SLC44A1: variants seen among roughly 807,000 people sequenced by gnomAD.
The protein encoded by SLC44A1 is choline transporter-like protein 1.
SLC44A1 carries 26 observed loss-of-function variants against 79.3 expected under a neutral mutation model. The observed-to-expected ratio is 0.33, with a 90% CI of 0.24 to 0.46. SLC44A1 has a LOEUF of 0.46. Ranked by LOEUF, SLC44A1 falls within the 20% of genes least tolerant of loss-of-function variation. The probability of loss-of-function intolerance (pLI) is 1.00; values close to 1 mark genes in which losing one functional copy is unlikely to be tolerated. For missense variants in SLC44A1, 688 were observed against 798.1 expected (o/e 0.86, Z 1.66); for synonymous variants, 263 against 286.2 (o/e 0.92, Z 0.82).
intron 1 of SLC44A1, among the ~76,000 whole-genome samples, chr9:105,283,516 C>T (rs1009558549): frequency 3.9e-5 from 6 of 152,118 alleles, no homozygotes; most frequent in Admixed American, 6.5e-5. Context: ...CTTCTCTTAA[C>T]GTAGAATTCA....
At chr9:105,420,862 A>AG (rs1491270009) in intron 15 of SLC44A1, among the ~76,000 whole-genome samples, 89 of 117,828 alleles carry the variant, frequency 7.6e-4, no homozygotes, top group African/African-American at 3.1e-3. Context: ...ACTCCATCTC[A>AG]AAAAAAAAAA....
rs529488379 is a variant in SLC44A1, at chr9:105,378,220, G to A, written c.1632+3485G>A. Among the ~76,000 whole-genome samples the A allele has an allele frequency of 1.1e-3, 162 of 152,332 alleles. 1 individual carries two copies. The South Asian group carries it at 0.025, about 23-fold the overall frequency. On this transcript the variant is annotated intron_variant, in intron 13 of 15. Coordinates refer to ENST00000374720, the MANE Select transcript of SLC44A1 (RefSeq NM_080546.5). ...GCTGAGATAGCGCCACTGCACTGCA[G>A]CCCGGACGACAAAGCGGGACTCTGT... is the stretch of plus-strand genomic sequence containing the variant.
At chr9:105,376,462 G>A (rs1246590696) in intron 13 of SLC44A1, among the ~76,000 whole-genome samples, 2 of 150,656 alleles carry the variant, frequency 1.3e-5, no homozygotes, top group Admixed American at 6.6e-5. Context: ...CAACCTCCGC[G>A]TCCTGGGTTT....
intron 15 of SLC44A1, among the ~76,000 whole-genome samples, chr9:105,431,773 A>C (rs1339891475): frequency 6.6e-6 from 1 of 152,184 alleles, no homozygotes; most frequent in African/African-American, 2.4e-5. Flanking sequence ...AGCACCCTCA[A>C]AATCACCTGA....
chr9:105,312,154 G>A (rs567650826), intron 3 of SLC44A1, among the ~76,000 whole-genome samples: 10 of 152,218 alleles, frequency 6.6e-5, no homozygotes, highest in African/African-American at 2.4e-4. Context: ...CAACAAATCA[G>A]TCCTCTAAAA....
chr9:105,383,036 A>T (rs912256398), intron 13 of SLC44A1, 87 bp from the exon 14 acceptor site: 1 of 856,970 alleles, frequency 1.2e-6, no homozygotes, highest in Non-Finnish European at 1.9e-6. Flanking sequence ...ATTTATAAAT[A>T]GTAGAATTTT....
chr9:105,300,686 A>G (rs1830853421), intron 2 of SLC44A1, among the ~76,000 whole-genome samples: 1 of 152,224 alleles, frequency 6.6e-6, no homozygotes. Context: ...TTAATGACTT[A>G]AAAGATATTG....
intron 1 of SLC44A1, among the ~76,000 whole-genome samples, chr9:105,282,088 A>G (rs1830366404): frequency 6.6e-6 from 1 of 152,242 alleles, no homozygotes; most frequent in Non-Finnish European, 1.5e-5. Flanking sequence ...GTAATTGTAT[A>G]CAAACCAGTG....
intron 3 of SLC44A1, among the ~76,000 whole-genome samples, chr9:105,315,211 A>G (rs34030286): frequency 0.015 from 2,237 of 150,698 alleles, 18 homozygotes; most frequent in Admixed American, 0.018. Flanking sequence ...AATTTTGTCT[A>G]TTTCTTTCTC....
intron 15 of SLC44A1, among the ~76,000 whole-genome samples, chr9:105,419,801 C>A (rs1829220551): frequency 6.6e-6 from 1 of 150,868 alleles, no homozygotes; most frequent in Admixed American, 6.6e-5. Flanking sequence ...TGTAATCCAG[C>A]TACTCTGGAG....
At chr9:105,333,539 G>A (rs1826818079) in intron 3 of SLC44A1, among the ~76,000 whole-genome samples, 1 of 152,190 alleles carries the variant, frequency 6.6e-6, no homozygotes, top group Non-Finnish European at 1.5e-5. Flanking sequence ...AGGCACAGTG[G>A]CTTATCATAC....
intron 12 of SLC44A1, among the ~76,000 whole-genome samples, chr9:105,370,850 A>C (rs1042298635): frequency 2.0e-5 from 3 of 152,188 alleles, no homozygotes; most frequent in African/African-American, 7.2e-5. Flanking sequence ...GCTAGTACCT[A>C]GTTGATTTAA....
At chr9:105,245,833 GACAACTGT>G (rs1829429762) in intron 1 of SLC44A1, among the ~76,000 whole-genome samples, 1 of 152,172 alleles carries the variant, frequency 6.6e-6, no homozygotes, top group Non-Finnish European at 1.5e-5. Context: ...GAAATGTTTA[GACAACTGT>G]ACGAGGATCA....
intron 1 of SLC44A1, among the ~76,000 whole-genome samples, chr9:105,286,784 C>T (rs1334693965): frequency 3.3e-5 from 5 of 152,036 alleles, no homozygotes; most frequent in South Asian, 2.1e-4. Context: ...GCAACATAAA[C>T]GAGACCCCAT....
At chr9:105,336,951 C>T (rs961195074) in intron 4 of SLC44A1, among the ~76,000 whole-genome samples, 1 of 152,180 alleles carries the variant, frequency 6.6e-6, no homozygotes, top group African/African-American at 2.4e-5. Context: ...AAAAATAATA[C>T]TCCCTCATAA....
At chr9:105,338,629 G>A (rs768208533) in intron 4 of SLC44A1, among the ~76,000 whole-genome samples, 8 of 152,152 alleles carry the variant, frequency 5.3e-5, no homozygotes, top group Non-Finnish European at 1.0e-4. Flanking sequence ...GTCTAGGCTG[G>A]TGTCAAACTC....
At chr9:105,373,706 A>G (rs1828186507) in intron 12 of SLC44A1, among the ~76,000 whole-genome samples, 1 of 152,214 alleles carries the variant, frequency 6.6e-6, no homozygotes, top group Non-Finnish European at 1.5e-5. Flanking sequence ...CTCTGACTTC[A>G]TGGTGTTGGC....
intron 14 of SLC44A1, among the ~76,000 whole-genome samples, chr9:105,383,969 T>C (rs1489733432): frequency 2.0e-5 from 3 of 152,198 alleles, no homozygotes; most frequent in Non-Finnish European, 2.9e-5. Context: ...AAAACCTTAT[T>C]AAATGGTTTA....
rs952187969 is a variant in SLC44A1, at chr9:105,389,103, A to T, written c.*47A>T. Reference sequence around the variant, plus strand: ...ACCCATTGACATTCCAAAACAATATATACACATAACTATGTATTTGTGTGT... The same window carrying T: ...ACCCATTGACATTCCAAAACAATATTTACACATAACTATGTATTTGTGTGT... On this transcript the variant is annotated 3_prime_UTR_variant, in exon 16 of 16. Transcript: ENST00000374720. The T allele has an allele frequency of 6.2e-7, 1 of 1,609,960 alleles. No individual in the cohort carries two copies. Among genetic ancestry groups the T allele is most frequent in the Non-Finnish European group, 8.5e-7 (1 of 1,176,970 alleles).
Sources: gnomAD v4.1 joint callset for allele counts (sites outside exome capture counted in the v4.1 genomes callset) on GRCh38, gnomAD v4.1.1 for gene constraint, MANE v1.5 for transcripts, NCBI Gene and HGNC (gene_info 2026-07-23, HGNC 2026-07-21) for gene names.